The following TNKS variants were observed in gnomAD, a reference collection of about 807,000 sequenced individuals.
TNKS encodes tankyrase, also known as poly [ADP-ribose] polymerase tankyrase-1.
Under a neutral mutation model 135.8 loss-of-function variants are expected in TNKS, and 72 were observed. That is an observed-to-expected ratio of 0.53 (90% CI 0.44 to 0.64). The LOEUF (loss-of-function observed/expected upper bound fraction) is 0.64, where lower values mean the gene tolerates loss of function less well. TNKS is among the 30% of genes least tolerant of loss of function. The pLI, the probability that TNKS is intolerant of heterozygous loss-of-function variation, is 0.00. For synonymous variants in TNKS, 849 were observed against 649.3 expected (o/e 1.31, Z -4.68); for missense variants, 1,769 against 1,674.0 (o/e 1.06, Z -0.99).
At chr8:9,761,368 TAAA>T in intron 20 of TNKS, 145 bp from the exon 21 acceptor site, 1 of 789,814 alleles carries the variant, frequency 1.3e-6, no homozygotes, top group Non-Finnish European at 1.9e-6. Context: ...AAGACAACTT[TAAA>T]AAAATTGTAA....
At chr8:9,673,569 G>C (rs1040557294) in intron 3 of TNKS, among the ~76,000 whole-genome samples, 1 of 149,566 alleles carries the variant, frequency 6.7e-6, no homozygotes. Context: ...TCAGCCTCCC[G>C]AATAGATGGG....
At chr8:9,746,910 C>A (rs1036481082) in intron 17 of TNKS, among the ~76,000 whole-genome samples, 2 of 105,648 alleles carry the variant, frequency 1.9e-5, no homozygotes, top group Non-Finnish European at 3.5e-5. Flanking sequence ...TGAGACGGAG[C>A]CTTGCTCTGG....
chr8:9,596,468 A>G lies in TNKS; in HGVS notation c.898+16085A>G, dbSNP rs148073975. On this transcript the variant is annotated intron_variant, in intron 2 of 26. Coordinates refer to ENST00000310430, the MANE Select transcript of TNKS (RefSeq NM_003747.3). ...TTTGTACTTTACTTTTAAAAAACGT[A>G]GTGTCTTGTATTATTTAAATCTGCT... is the stretch of plus-strand genomic sequence containing the variant. Among the ~76,000 whole-genome samples the G allele has an allele frequency of 3.5e-3, 533 of 152,310 alleles. 4 individuals are homozygous for G. The highest frequency in any genetic ancestry group is 0.012 in the African/African-American group (497 of 41,564).
chr8:9,631,102 G>A (rs1286691709), intron 3 of TNKS, among the ~76,000 whole-genome samples: 1 of 152,188 alleles, frequency 6.6e-6, no homozygotes, highest in African/African-American at 2.4e-5. Flanking sequence ...TCTTGGCTAA[G>A]TATTAGAAGC....
intron 22 of TNKS, among the ~76,000 whole-genome samples, chr8:9,764,312 G>A (rs1404686674): frequency 1.3e-5 from 2 of 151,860 alleles, no homozygotes; most frequent in African/African-American, 4.8e-5. Flanking sequence ...GAGATAATAT[G>A]GAATATTTCA....
chr8:9,685,722 C>T (rs1464715448), intron 5 of TNKS, among the ~76,000 whole-genome samples: 1 of 152,190 alleles, frequency 6.6e-6, no homozygotes, highest in African/African-American at 2.4e-5. Flanking sequence ...TCTAAATTAG[C>T]AGCTTATAAA....
chr8:9,763,317 C>G (rs1807249717), intron 22 of TNKS, 73 bp downstream of exon 22: 2 of 1,031,680 alleles, frequency 1.9e-6, no homozygotes, highest in Non-Finnish European at 1.4e-6. Context: ...TGGAATTAAC[C>G]TCGTCTTACA....
intron 3 of TNKS, among the ~76,000 whole-genome samples, chr8:9,661,905 C>G (rs547468557): frequency 6.6e-6 from 1 of 152,174 alleles, no homozygotes; most frequent in South Asian, 2.1e-4. Flanking sequence ...AACAAACAAC[C>G]CCATCACAAA....
In TNKS at chr8:9,726,634, T is replaced by A; in HGVS notation, c.1922-7T>A. The stretch of plus-strand genomic sequence containing the variant: ...TATATATGAGTTCTTTCCTTCCTTT[T>A]ATGCAGAGAGTACACCTATACGTAC... On this transcript the variant is annotated splice_region_variant and splice_polypyrimidine_tract_variant and intron_variant, in intron 12 of 26. Coordinates refer to ENST00000310430, the MANE Select transcript of TNKS (RefSeq NM_003747.3). The A allele has an allele frequency of 6.3e-7, 1 of 1,599,518 alleles. No homozygotes were observed. Among genetic ancestry groups the A allele is most frequent in the Non-Finnish European group, 8.5e-7 (1 of 1,173,102 alleles).
At chr8:9,582,720 G>C (rs979693869) in intron 2 of TNKS, among the ~76,000 whole-genome samples, 2 of 152,100 alleles carry the variant, frequency 1.3e-5, no homozygotes, top group South Asian at 4.1e-4. Context: ...ATATTTAGAA[G>C]AGTACCAGGT....
At chr8:9,754,325 CT>C (rs1452579029) in intron 20 of TNKS, among the ~76,000 whole-genome samples, 1 of 152,166 alleles carries the variant, frequency 6.6e-6, no homozygotes, top group Non-Finnish European at 1.5e-5. Flanking sequence ...ACATCTTCCC[CT>C]ATTTTAGAAT....
chr8:9,727,505 G>A (rs1376240131), intron 13 of TNKS, among the ~76,000 whole-genome samples: 1 of 152,156 alleles, frequency 6.6e-6, no homozygotes, highest in African/African-American at 2.4e-5. Flanking sequence ...TGGGGCTCAA[G>A]CAATCCTCTT....
chr8:9,618,555 G>A (rs1275386209), intron 3 of TNKS, among the ~76,000 whole-genome samples: 1 of 152,148 alleles, frequency 6.6e-6, no homozygotes. Context: ...GGACTTGGAG[G>A]TATTTAGATT....
chr8:9,718,836 A>C (rs1804731876), intron 11 of TNKS, among the ~76,000 whole-genome samples: 1 of 152,212 alleles, frequency 6.6e-6, no homozygotes, highest in Non-Finnish European at 1.5e-5. Flanking sequence ...AACCTGGTGA[A>C]AATAATCACT....
chr8:9,690,514 C>G (rs973542170), intron 5 of TNKS, among the ~76,000 whole-genome samples: 1 of 152,100 alleles, frequency 6.6e-6, no homozygotes, highest in Non-Finnish European at 1.5e-5. Context: ...AATCCCAGCA[C>G]TTTGGGAGAC....
intron 2 of TNKS, among the ~76,000 whole-genome samples, chr8:9,613,006 T>C (rs1799518168): frequency 1.3e-5 from 2 of 152,106 alleles, no homozygotes; most frequent in Non-Finnish European, 1.5e-5. Context: ...TCCCATTGAG[T>C]GGGCTGAGAA....
intron 20 of TNKS, among the ~76,000 whole-genome samples, chr8:9,760,527 A>G (rs1807093117): frequency 6.6e-6 from 1 of 152,234 alleles, no homozygotes; most frequent in African/African-American, 2.4e-5. Context: ...CTGCATGTCT[A>G]TAAAAGGATT....
At chr8:9,744,606 C>G (rs776690426) in intron 17 of TNKS, among the ~76,000 whole-genome samples, 1 of 152,168 alleles carries the variant, frequency 6.6e-6, no homozygotes, top group Admixed American at 6.5e-5. Context: ...TGGAAACATT[C>G]CAACAGAGAT....
chr8:9,577,945 A>T (rs1267047312), intron 1 of TNKS, among the ~76,000 whole-genome samples: 1 of 152,230 alleles, frequency 6.6e-6, no homozygotes, highest in African/African-American at 2.4e-5. Flanking sequence ...AAATACTCAC[A>T]TTCCAAAAGG....
Sources: allele counts gnomAD v4.1 joint callset (sites outside exome capture counted in the v4.1 genomes callset), GRCh38; gene constraint gnomAD v4.1.1; transcripts MANE v1.5; gene names NCBI Gene and HGNC (gene_info 2026-07-23, HGNC 2026-07-21).